The following ANO4 variants were observed in gnomAD, a reference collection of about 807,000 sequenced individuals.
The protein encoded by ANO4 is anoctamin 4.
In ANO4, 69 loss-of-function variants were observed where a neutral mutation model predicts 141.9. That is an observed-to-expected ratio of 0.49 (90% CI 0.40 to 0.59). The LOEUF (loss-of-function observed/expected upper bound fraction) is 0.59, where lower values mean the gene tolerates loss of function less well. ANO4 is among the 20% of genes least tolerant of loss of function. The pLI, the probability that ANO4 is intolerant of heterozygous loss-of-function variation, is 0.00. For missense variants in ANO4, 894 were observed against 1,162.2 expected (o/e 0.77, Z 3.36); for synonymous variants, 350 against 394.3 (o/e 0.89, Z 1.33).
intron 17 of ANO4, among the ~76,000 whole-genome samples, 190 bp downstream of exon 17, chr12:101,087,014 T>C (rs1566229745): frequency 6.6e-6 from 1 of 152,166 alleles, no homozygotes; most frequent in African/African-American, 2.4e-5. Context: ...GATTCAAATC[T>C]AGACTCCGGG....
At chr12:100,739,645 G>T (rs1170052123) in intron 2 of ANO4, among the ~76,000 whole-genome samples, 1 of 151,988 alleles carries the variant, frequency 6.6e-6, no homozygotes, top group Non-Finnish European at 1.5e-5. Context: ...AGGCAGAGTG[G>T]GCACTTAGCA....
rs549365769 is a variant in ANO4, at chr12:100,818,166, T to C, written c.-141+23139T>C. Among the ~76,000 whole-genome samples the C allele has an allele frequency of 2.6e-5, 4 of 152,008 alleles. 1 individual carries two copies. Among genetic ancestry groups the C allele is most frequent in the African/African-American group, 9.6e-5 (4 of 41,540 alleles). On this transcript the variant is annotated intron_variant, in intron 1 of 27. Transcript: ENST00000392977. ...ACATTTCATTTGTTTACATGGTACT[T>C]AATTAAAATTATATAGTTATAATAA...
At chr12:100,810,129 A>G (rs2035313448) in intron 1 of ANO4, among the ~76,000 whole-genome samples, 2 of 152,048 alleles carry the variant, frequency 1.3e-5, no homozygotes, top group Non-Finnish European at 2.9e-5. Flanking sequence ...CAGCAGGATG[A>G]AAGGGAAAGG....
chr12:100,795,251 T>A (rs971993295), intron 1 of ANO4, among the ~76,000 whole-genome samples: 7 of 150,022 alleles, frequency 4.7e-5, no homozygotes, highest in African/African-American at 1.8e-4. Context: ...GTGATACGAA[T>A]ATAAGTGCTC....
chr12:100,724,780 G>T (rs1172170722), intron 1 of ANO4, among the ~76,000 whole-genome samples: 1 of 152,180 alleles, frequency 6.6e-6, no homozygotes, highest in Non-Finnish European at 1.5e-5. Context: ...TAGGTGAGGA[G>T]ATAGAGATTA....
At chr12:100,732,649 C>T (rs1163998783) in intron 1 of ANO4, among the ~76,000 whole-genome samples, 1 of 151,994 alleles carries the variant, frequency 6.6e-6, no homozygotes, top group Non-Finnish European at 1.5e-5. Context: ...GATGTTTTTC[C>T]TATGTTATCT....
In ANO4 at chr12:100,981,724, CCTTT is replaced by C. The variant is rs1282335446; in HGVS notation, c.603-5811_603-5808del. Among the ~76,000 whole-genome samples, 3 of 152,240 alleles carry C rather than the reference CCTTT, an allele frequency of 2.0e-5. No individual in the cohort carries two copies. The East Asian group carries it at 5.8e-4, about 29-fold the overall frequency. On this transcript the variant is annotated intron_variant, in intron 7 of 27. Coordinates refer to ENST00000392977, the MANE Select transcript of ANO4 (RefSeq NM_001286615.2). Reference sequence around the variant, plus strand: ...GTTGTTAGTGGCTCAAGGGAAATGACCTTTCTTCTACTTCCTCAGGCTATGCCCA... The same window carrying C: ...GTTGTTAGTGGCTCAAGGGAAATGACCTTCTACTTCCTCAGGCTATGCCCA...
chr12:100,930,556 C>G (rs1046174600), intron 3 of ANO4, among the ~76,000 whole-genome samples: 1 of 151,964 alleles, frequency 6.6e-6, no homozygotes, highest in African/African-American at 2.4e-5. Flanking sequence ...TGTTTTTATG[C>G]CAGTTCCATA....
intron 3 of ANO4, among the ~76,000 whole-genome samples, chr12:100,743,838 G>A (rs190771360): frequency 8.5e-5 from 13 of 152,242 alleles, no homozygotes; most frequent in Non-Finnish European, 1.3e-4. Context: ...TACCTCATAG[G>A]TAGTTTTTTA....
At chr12:101,042,619 G>C (rs2047453073) in intron 12 of ANO4, 151 bp downstream of exon 12, 1 of 1,076,918 alleles carries the variant, frequency 9.3e-7, no homozygotes, top group Non-Finnish European at 1.3e-6. Context: ...CAGTTCACTA[G>C]GACCTCTCCA....
intron 1 of ANO4, among the ~76,000 whole-genome samples, chr12:100,812,022 G>GCATACACATATATGTGTACA (rs2035468343): frequency 6.6e-6 from 1 of 151,942 alleles, no homozygotes; most frequent in Non-Finnish European, 1.5e-5. Context: ...ATATACACAT[G>GCATACACATATATGTGTACA]CACACACATA....
At chr12:101,029,550 T>C (rs1332431077) in intron 9 of ANO4, among the ~76,000 whole-genome samples, 1 of 152,012 alleles carries the variant, frequency 6.6e-6, no homozygotes, top group East Asian at 1.9e-4. Flanking sequence ...CAAAACAGAC[T>C]TTAAACCAAT....
At chr12:100,721,585 A>C (rs1344461277) in intron 1 of ANO4, among the ~76,000 whole-genome samples, 2 of 152,286 alleles carry the variant, frequency 1.3e-5, no homozygotes, top group East Asian at 3.9e-4. Flanking sequence ...AGAGGTTGAA[A>C]GGGGCCAGCA....
At chr12:101,081,138 G>T (rs1159764338) in intron 15 of ANO4, among the ~76,000 whole-genome samples, 5 of 151,622 alleles carry the variant, frequency 3.3e-5, no homozygotes, top group African/African-American at 1.2e-4. Flanking sequence ...AATTCCTCTT[G>T]TGTGGTGCCA....
chr12:100,823,601 A>G (rs1024573930), intron 1 of ANO4, among the ~76,000 whole-genome samples: 2 of 152,098 alleles, frequency 1.3e-5, no homozygotes, highest in African/African-American at 4.8e-5. Context: ...CACGAGCCAG[A>G]TGTTTTAAAA....
intron 2 of ANO4, among the ~76,000 whole-genome samples, chr12:100,905,880 A>C (rs888172033): frequency 5.3e-5 from 8 of 152,192 alleles, no homozygotes; most frequent in Admixed American, 4.6e-4. Context: ...AAGGAGGCGT[A>C]TGTATATAAT....
intron 16 of ANO4, 61 bp downstream of exon 16, chr12:101,083,879 T>G (rs752789965): frequency 7.2e-7 from 1 of 1,395,310 alleles, no homozygotes; most frequent in East Asian, 2.6e-5. Flanking sequence ...ATAATAACAG[T>G]AATCATATTG....
chr12:100,936,407 A>G (rs1242800710), intron 3 of ANO4, among the ~76,000 whole-genome samples: 1 of 152,142 alleles, frequency 6.6e-6, no homozygotes, highest in Non-Finnish European at 1.5e-5. Flanking sequence ...GACAATAAAT[A>G]TATCTCCAAA....
At chr12:100,790,607 C>CTATT (rs1470852748), upstream of ANO4, among the ~76,000 whole-genome samples, 1 of 151,532 alleles carries the variant, frequency 6.6e-6, no homozygotes. Context: ...TTCTCCCTGA[C>CTATT]TATTTAAGTC....
Sources: allele counts gnomAD v4.1 joint callset (sites outside exome capture counted in the v4.1 genomes callset), GRCh38; gene constraint gnomAD v4.1.1; transcripts MANE v1.5; gene names NCBI Gene and HGNC (gene_info 2026-07-23, HGNC 2026-07-21).